CCSER1: variants seen among roughly 807,000 people sequenced by gnomAD.
CCSER1 encodes the protein serine-rich coiled-coil domain-containing protein 1.
A neutral mutation model predicts 82.0 loss-of-function variants in CCSER1; 41 were observed. That is an observed-to-expected ratio of 0.50 (90% CI 0.39 to 0.65). CCSER1 has a LOEUF of 0.65. Among genes scored for constraint, CCSER1 ranks in the 30% least tolerant of loss-of-function variants. The pLI is 0.00. For missense variants in CCSER1, 1,119 were observed against 1,064.2 expected, an observed-to-expected ratio of 1.05 and a Z score of -0.72; for synonymous variants, 414 against 383.9, an observed-to-expected ratio of 1.08 and a Z score of -0.92.
At chr4:91,106,760 T>C (rs1316345021) in intron 10 of CCSER1, among the ~76,000 whole-genome samples, 1 of 152,224 alleles carries the variant, frequency 6.6e-6, no homozygotes, top group African/African-American at 2.4e-5. Context: ...GCAAGCTAGA[T>C]AGCCTCTTTA....
At chr4:91,424,687 T>TA (rs1481885057) in intron 10 of CCSER1, among the ~76,000 whole-genome samples, 2 of 152,148 alleles carry the variant, frequency 1.3e-5, no homozygotes, top group Non-Finnish European at 2.9e-5. Flanking sequence ...GCTTGAGAAC[T>TA]GCTAGCTTTT....
At chr4:90,619,461 T>A (rs536963389) in intron 5 of CCSER1, among the ~76,000 whole-genome samples, 3 of 152,046 alleles carry the variant, frequency 2.0e-5, no homozygotes, top group Non-Finnish European at 2.9e-5. Context: ...AAAAAATTTG[T>A]TTGATACCTC....
At chr4:90,474,766 G>C (rs1320383302) in intron 5 of CCSER1, among the ~76,000 whole-genome samples, 1 of 152,172 alleles carries the variant, frequency 6.6e-6, no homozygotes, top group African/African-American at 2.4e-5. Context: ...CTGGCATTGG[G>C]AGTGGAGAAA....
At chr4:90,611,865 G>A (rs1677349274) in intron 5 of CCSER1, among the ~76,000 whole-genome samples, 1 of 150,412 alleles carries the variant, frequency 6.6e-6, no homozygotes, top group Admixed American at 6.6e-5. Flanking sequence ...GGCATGAAAA[G>A]GAGTCTTAAT....
Position 90,340,181 on chromosome 4 carries a change from A to G in CCSER1, c.1509+27134A>G, listed in dbSNP as rs1451553749. On this transcript the variant is annotated intron_variant, in intron 3 of 10. Transcript: ENST00000509176. ...GGCTTTTCATAAAGTTCTGAATTAC[A>G]TATTAATTTCTCTTTTGGCCTCACA... Among the ~76,000 whole-genome samples, 4 of 152,136 alleles carry G rather than the reference A, an allele frequency of 2.6e-5. No homozygotes were observed. The South Asian group carries it at 6.2e-4, about 24-fold the overall frequency.
At chr4:90,778,726 C>T (rs539519291) in intron 7 of CCSER1, among the ~76,000 whole-genome samples, 20 of 151,944 alleles carry the variant, frequency 1.3e-4, no homozygotes, top group Non-Finnish European at 2.4e-4. Flanking sequence ...CACCCTGCAT[C>T]CCTCAAGATT....
chr4:90,894,938 A>G (rs2168074), intron 8 of CCSER1, among the ~76,000 whole-genome samples: 297 of 152,148 alleles, frequency 2.0e-3, no homozygotes, highest in Non-Finnish European at 3.3e-3. Flanking sequence ...TAGACTAATT[A>G]ATTTAGATTA....
At chr4:91,221,876 C>T (rs928313670) in intron 10 of CCSER1, among the ~76,000 whole-genome samples, 1 of 151,964 alleles carries the variant, frequency 6.6e-6, no homozygotes, top group African/African-American at 2.4e-5. Context: ...TGGATAATTA[C>T]TTATAAGAGC....
chr4:90,620,853 G>T, intron 5 of CCSER1, among the ~76,000 whole-genome samples: 1 of 151,938 alleles, frequency 6.6e-6, no homozygotes, highest in Non-Finnish European at 1.5e-5. Flanking sequence ...ACACTCTGTT[G>T]CCCAGGCTGG....
chr4:91,158,773 C>A (rs987526026), intron 10 of CCSER1, among the ~76,000 whole-genome samples: 1 of 151,854 alleles, frequency 6.6e-6, no homozygotes, highest in Non-Finnish European at 1.5e-5. Flanking sequence ...CAAAGTGGAA[C>A]AGTGACTTCC....
At chr4:90,483,846 G>T (rs535125833) in intron 5 of CCSER1, among the ~76,000 whole-genome samples, 2 of 152,078 alleles carry the variant, frequency 1.3e-5, no homozygotes, top group Non-Finnish European at 2.9e-5. Context: ...TGACAATTAT[G>T]TATCTTGGAG....
intron 7 of CCSER1, among the ~76,000 whole-genome samples, chr4:90,757,146 G>A (rs934736223): frequency 3.9e-5 from 6 of 152,120 alleles, no homozygotes; most frequent in Non-Finnish European, 8.8e-5. Context: ...GACAAAGTTA[G>A]AACAAATTCA....
At chr4:91,419,496 T>C (rs1753575371) in intron 10 of CCSER1, among the ~76,000 whole-genome samples, 2 of 152,040 alleles carry the variant, frequency 1.3e-5, no homozygotes, top group Admixed American at 6.6e-5. Flanking sequence ...TTAGGAATAA[T>C]TTGAAGGAGA....
intron 10 of CCSER1, among the ~76,000 whole-genome samples, chr4:91,330,967 C>G (rs1302567671): frequency 6.6e-6 from 1 of 152,126 alleles, no homozygotes; most frequent in Non-Finnish European, 1.5e-5. Flanking sequence ...TGAATCATCC[C>G]TTTGTCCAGC....
At chr4:90,282,656 T>C (rs1331134934) in intron 1 of CCSER1, among the ~76,000 whole-genome samples, 1 of 151,948 alleles carries the variant, frequency 6.6e-6, no homozygotes, top group African/African-American at 2.4e-5. Flanking sequence ...CCCAAATTAC[T>C]GTACCAGCAG....
intron 10 of CCSER1, among the ~76,000 whole-genome samples, chr4:91,385,410 G>C (rs976802722): frequency 6.6e-6 from 1 of 151,944 alleles, no homozygotes; most frequent in East Asian, 1.9e-4. Context: ...AAACAGAAAA[G>C]CTAAGCTGGT....
intron 10 of CCSER1, among the ~76,000 whole-genome samples, chr4:91,495,840 C>T (rs1265873114): frequency 4.6e-5 from 7 of 151,302 alleles, no homozygotes; most frequent in African/African-American, 1.2e-4. Flanking sequence ...AATATAGCTC[C>T]GAGTTTTTTC....
chr4:91,020,907 A>T (rs1164705063), intron 9 of CCSER1, among the ~76,000 whole-genome samples: 1 of 152,144 alleles, frequency 6.6e-6, no homozygotes, highest in African/African-American at 2.4e-5. Flanking sequence ...CTTACTATAC[A>T]CTATATCTAA....
intron 9 of CCSER1, among the ~76,000 whole-genome samples, chr4:90,971,927 T>C (rs774167917): frequency 3.6e-4 from 54 of 151,908 alleles, no homozygotes; most frequent in Non-Finnish European, 6.3e-4. Flanking sequence ...GAAAAAGAAA[T>C]TGATGAAATT....
Sources: allele counts gnomAD v4.1 joint callset (sites outside exome capture counted in the v4.1 genomes callset), GRCh38; gene constraint gnomAD v4.1.1; transcripts MANE v1.5; gene names NCBI Gene and HGNC (gene_info 2026-07-23, HGNC 2026-07-21).